The following HSH2D variants were observed in gnomAD, a reference collection of about 807,000 sequenced individuals.
HSH2D encodes hematopoietic SH2 domain-containing protein.
A neutral mutation model predicts 21.5 loss-of-function variants in HSH2D; 16 were observed. The ratio of observed to expected loss-of-function variants is 0.74; its 90% confidence interval spans 0.50 to 1.13. The LOEUF is 1.13. Among genes scored for constraint, HSH2D ranks in the 50% most tolerant of loss-of-function variants. The pLI is 0.00. For synonymous variants in HSH2D, 172 were observed against 184.7 expected, an observed-to-expected ratio of 0.93 and a Z score of 0.56; for missense variants, 418 against 441.4, an observed-to-expected ratio of 0.95 and a Z score of 0.47.
At chr19:16,136,949 G>A (rs867709644) in intron 1 of HSH2D, among the ~76,000 whole-genome samples, 13 of 152,172 alleles carry the variant, frequency 8.5e-5, no homozygotes, top group African/African-American at 2.9e-4. Flanking sequence ...ATCTGTCAAT[G>A]CATTTTTTCA....
In HSH2D at chr19:16,155,057, A is replaced by T. The variant is rs187092563; in HGVS notation, c.474+566A>T. Among the ~76,000 whole-genome samples the T allele has an allele frequency of 2.6e-3, 397 of 150,962 alleles. 2 individuals carry two copies. The highest frequency in any genetic ancestry group is 9.3e-3 in the African/African-American group (386 of 41,300). ...TGGCTTGTTTGCCTTTGCTTCTCCC[A>T]CCCCTCTGAAAGGACCTGCCATATT... On this transcript the variant is annotated intron_variant, in intron 5 of 5. Transcript: ENST00000613986.
rs2091259675 is a variant in HSH2D at position 16,157,938 on chromosome 19, C to G, written c.*144C>G. The G allele has an allele frequency of 1.6e-5, 10 of 633,474 alleles. No individual in the cohort carries two copies. The highest frequency in any genetic ancestry group is 2.7e-5 in the Non-Finnish European group (10 of 367,594). 39.2% of individuals were successfully genotyped at this position (633,474 alleles called of 1,614,324 possible). A position where few individuals can be genotyped will look rare whatever the true frequency, so the allele number is the denominator to read the frequency against. On this transcript the variant is annotated 3_prime_UTR_variant, in exon 6 of 6. Transcript: ENST00000613986. The surrounding 1 kb of genome is among the most constrained non-coding windows in gnomAD (Gnocchi z 4.4). ...AATGGAATAAAGATGTTTTTGGGGT[C>G]TGTTCCTGCACTCACCCATGGGGTG...
chr19:16,134,521 T>G (rs1407259725), intron 1 of HSH2D, among the ~76,000 whole-genome samples: 1 of 152,192 alleles, frequency 6.6e-6, no homozygotes. Flanking sequence ...CTGCACACAC[T>G]ATGCTTTTAG....
chr19:16,156,977 C>T (rs1031814274), intron 5 of HSH2D, among the ~76,000 whole-genome samples: 29 of 150,848 alleles, frequency 1.9e-4, no homozygotes, highest in Non-Finnish European at 2.5e-4. Context: ...CAGAGTGAAA[C>T]TCCATCTCAA....
chr19:16,144,680 T>G (rs1240822368), intron 1 of HSH2D, among the ~76,000 whole-genome samples: 1 of 145,112 alleles, frequency 6.9e-6, no homozygotes, highest in African/African-American at 2.5e-5. Context: ...GGTCGAATTC[T>G]AGGCTCTTTT....
Position 16,157,470 on chromosome 19 carries a change from T to C in HSH2D, c.735T>C (p.Pro245=), listed in dbSNP as rs2145066506. Residue 245 remains proline (P), a synonymous_variant, in exon 6 of 6, where the codon CCT becomes CCC. Transcript: ENST00000613986. The surrounding 1 kb of genome is among the most constrained non-coding windows in gnomAD (Gnocchi z 4.4). ...GGAGATCCACGGTGATCTCAGGCCC[T>C]GGGACCGGAAAAGGCAGCCAAGATC... ...DVRRSTVISG[P]GTGKGSQDHS... The C allele has an allele frequency of 2.5e-6, 4 of 1,613,892 alleles. No individual in the cohort carries two copies. The highest frequency in any genetic ancestry group is 4.5e-5 in the East Asian group (2 of 44,864).
At chr19:16,145,543 C>A (rs1403224269) in intron 1 of HSH2D, among the ~76,000 whole-genome samples, 1 of 152,122 alleles carries the variant, frequency 6.6e-6, no homozygotes, top group African/African-American at 2.4e-5. Flanking sequence ...CATTTTGTCA[C>A]CCTGCTTTAT....
chr19:16,158,166 T>C lies in HSH2D; in HGVS notation c.*372T>C. Reference sequence around the variant, plus strand: ...GTGACCAAGGCCACAGAGCTATGGGTGTCAGCACCAGGATTTGAAGCCAGG... The same window carrying C: ...GTGACCAAGGCCACAGAGCTATGGGCGTCAGCACCAGGATTTGAAGCCAGG... On this transcript the variant is annotated 3_prime_UTR_variant, in exon 6 of 6. Coordinates refer to ENST00000613986, the MANE Select transcript of HSH2D (RefSeq NM_001382417.1). 5.4e-6 allele frequency: 1 copy of C among 184,652 alleles called. No homozygotes were observed. The highest frequency in any genetic ancestry group is 1.1e-5 in the Non-Finnish European group (1 of 89,680). The allele number at this position is 184,652 out of a possible 1,614,324, so 11.4% of individuals were successfully genotyped here.
At chr19:16,135,361 G>C (rs925517847) in intron 1 of HSH2D, among the ~76,000 whole-genome samples, 1 of 151,850 alleles carries the variant, frequency 6.6e-6, no homozygotes, top group Non-Finnish European at 1.5e-5. Flanking sequence ...CCCAGGAGTT[G>C]GAGGCTGCAG....
intron 1 of HSH2D, among the ~76,000 whole-genome samples, chr19:16,147,045 C>A (rs1009672715): frequency 6.6e-6 from 1 of 151,952 alleles, no homozygotes; most frequent in African/African-American, 2.4e-5. Context: ...AGGCTGGCCT[C>A]GAACTCCTGA....
chr19:16,153,415 C>A (rs1218831552), intron 4 of HSH2D, among the ~76,000 whole-genome samples: 3 of 152,222 alleles, frequency 2.0e-5, no homozygotes, highest in African/African-American at 4.8e-5. Flanking sequence ...CCCTCCAGGC[C>A]CATGTCAACA....
intron 1 of HSH2D, among the ~76,000 whole-genome samples, chr19:16,134,929 A>G (rs1022448486): frequency 3.3e-5 from 5 of 149,550 alleles, no homozygotes; most frequent in African/African-American, 9.8e-5. Context: ...GTTAAAGACC[A>G]TCCTGGACAA....
chr19:16,145,037 G>GTTTTTT (rs34993884), intron 1 of HSH2D, among the ~76,000 whole-genome samples: 1 of 119,438 alleles, frequency 8.4e-6, no homozygotes, highest in Admixed American at 8.7e-5. Flanking sequence ...TTTTTTTGGG[G>GTTTTTT]TTTTTTTTTT....
chr19:16,155,126 TA>T (rs1157439409), intron 5 of HSH2D, among the ~76,000 whole-genome samples: 1 of 152,162 alleles, frequency 6.6e-6, no homozygotes, highest in East Asian at 1.9e-4. Flanking sequence ...TGAATGAATG[TA>T]TCACAGCATC....
At chr19:16,135,153 T>A (rs1029033930) in intron 1 of HSH2D, among the ~76,000 whole-genome samples, 1 of 151,952 alleles carries the variant, frequency 6.6e-6, no homozygotes, top group Non-Finnish European at 1.5e-5. Context: ...GCGCCTGTAG[T>A]CCCAACTACT....
Position 16,153,035 on chromosome 19 carries a change from C to G in HSH2D, c.216-8C>G, listed in dbSNP as rs557505582. On this transcript the variant is annotated splice_region_variant and splice_polypyrimidine_tract_variant and intron_variant, in intron 3 of 5. Coordinates refer to ENST00000613986, the MANE Select transcript of HSH2D (RefSeq NM_001382417.1). The stretch of plus-strand genomic sequence containing the variant: ...TAGGATGTCCCAGCCCCCGCAGTGT[C>G]TCCGCAGAGCCCAAAGCAGCTGCTG... The G allele has an allele frequency of 6.2e-7, 1 of 1,607,772 alleles. No homozygotes were observed. Among genetic ancestry groups the G allele is most frequent in the Non-Finnish European group, 8.5e-7 (1 of 1,177,358 alleles).
In HSH2D at chr19:16,143,923, G is replaced by A. The variant is rs558069798; in HGVS notation, c.-28+149G>A. 17 of 265,884 alleles carry A rather than the reference G, an allele frequency of 6.4e-5. 1 individual carries two copies. The highest frequency in any genetic ancestry group is 4.6e-4 in the South Asian group (17 of 36,832). 16.5% of individuals were successfully genotyped at this position (265,884 alleles called of 1,614,324 possible). A position where few individuals can be genotyped will look rare whatever the true frequency, so the allele number is the denominator to read the frequency against. ...GAGCTTCGTGGAGGAGGGGGTATTTGTGGTGACCACAAATGGAAAATGGAG... is the reference window on the plus strand; with the variant it reads ...GAGCTTCGTGGAGGAGGGGGTATTTATGGTGACCACAAATGGAAAATGGAG... On this transcript the variant is annotated intron_variant, in intron 1 of 5. Coordinates refer to ENST00000613986, the MANE Select transcript of HSH2D (RefSeq NM_001382417.1).
At chr19:16,137,592 GAAA>G (rs922962634) in intron 1 of HSH2D, among the ~76,000 whole-genome samples, 2 of 142,988 alleles carry the variant, frequency 1.4e-5, no homozygotes, top group African/African-American at 5.2e-5. Flanking sequence ...AAAAAAAAAA[GAAA>G]AAAAGAAGCA....
rs1014934871 is a variant in HSH2D, at chr19:16,154,446, C to G, written c.429C>G (p.Asn143Lys). 11 of 1,552,658 alleles carry G rather than the reference C, an allele frequency of 7.1e-6. No individual in the cohort carries two copies. Among genetic ancestry groups the G allele is most frequent in the East Asian group, 2.4e-5 (1 of 41,042 alleles). The stretch of plus-strand genomic sequence containing the variant: ...ACGAGGATCTCTTCCTCTACTCCAA[C>G]GCAGTGGCCGAGGAAGCTGCCTGCC... ...VDYEDLFLYSNAVAEEAACPV... is the reference protein window; with the variant it reads ...VDYEDLFLYSKAVAEEAACPV... The change falls in exon 5 of 6, where the codon AAC (asparagine) becomes AAG (lysine). Residue 143 changes from asparagine (N) to lysine (K), a missense_variant. Transcript: ENST00000613986.
Sources: gnomAD v4.1 joint callset for allele counts (sites outside exome capture counted in the v4.1 genomes callset) on GRCh38, gnomAD v4.1.1 for gene constraint, Gnocchi (gnomAD v3.1) non-coding constraint, MANE v1.5 for transcripts, NCBI Gene and HGNC (gene_info 2026-07-23, HGNC 2026-07-21) for gene names.